The following CTNNA3 variants were observed in gnomAD, a reference collection of about 807,000 sequenced individuals.
CTNNA3 encodes catenin alpha-3.
CTNNA3 carries 76 observed loss-of-function variants against 95.7 expected under a neutral mutation model. The ratio of observed to expected loss-of-function variants is 0.79; its 90% CI spans 0.66 to 0.96. CTNNA3 has a LOEUF of 0.96. CTNNA3 is among the 40% of genes least tolerant of loss of function. The pLI is 0.00. For missense variants in CTNNA3, 1,191 were observed against 1,089.8 expected (o/e 1.09, Z -1.31); for synonymous variants, 431 against 374.4 (o/e 1.15, Z -1.74).
chr10:66,767,451 C>T (rs1375868157), intron 8 of CTNNA3, among the ~76,000 whole-genome samples: 1 of 68,664 alleles, frequency 1.5e-5, no homozygotes, highest in Non-Finnish European at 2.6e-5. Flanking sequence ...ATCCACTCCC[C>T]CCGACAAAAA....
intron 11 of CTNNA3, among the ~76,000 whole-genome samples, chr10:66,453,235 A>T (rs2093476238): frequency 1.3e-5 from 2 of 151,874 alleles, no homozygotes; most frequent in East Asian, 1.9e-4. Flanking sequence ...AAAAAAAAAA[A>T]ACTGAGCCTC....
chr10:66,130,232 T>C (rs1403060347), intron 13 of CTNNA3, among the ~76,000 whole-genome samples: 6 of 152,196 alleles, frequency 3.9e-5, no homozygotes, highest in Non-Finnish European at 8.8e-5. Context: ...GAGGGAAATT[T>C]GTAGCACTAA....
chr10:66,907,967 G>T (rs1296959155), intron 7 of CTNNA3, among the ~76,000 whole-genome samples: 1 of 152,194 alleles, frequency 6.6e-6, no homozygotes, highest in Non-Finnish European at 1.5e-5. Context: ...ATTTTGTAGA[G>T]AAGTTACATT....
intron 13 of CTNNA3, among the ~76,000 whole-genome samples, chr10:66,182,100 A>T (rs2086069472): frequency 6.6e-6 from 1 of 152,158 alleles, no homozygotes; most frequent in Non-Finnish European, 1.5e-5. Context: ...ATAATAAAAC[A>T]ATTCCCATTC....
At chr10:66,115,587 A>AGAT (rs1400390708) in intron 13 of CTNNA3, among the ~76,000 whole-genome samples, 4 of 8,560 alleles carry the variant, frequency 4.7e-4, no homozygotes, top group Admixed American at 7.8e-4. Context: ...GATGATAGAT[A>AGAT]GATAGAGATA....
intron 5 of CTNNA3, among the ~76,000 whole-genome samples, chr10:67,339,837 T>C (rs1376852920): frequency 1.3e-5 from 2 of 152,180 alleles, no homozygotes; most frequent in African/African-American, 4.8e-5. Context: ...TTTGTTTTGA[T>C]TGATTTAGAA....
At chr10:67,177,531 T>C (rs1862303321) in intron 7 of CTNNA3, among the ~76,000 whole-genome samples, 1 of 152,172 alleles carries the variant, frequency 6.6e-6, no homozygotes, top group Admixed American at 6.6e-5. Flanking sequence ...TTACAAAAGC[T>C]ACTGACTGAT....
intron 7 of CTNNA3, among the ~76,000 whole-genome samples, chr10:66,933,781 T>G (rs940640023): frequency 6.6e-6 from 1 of 152,298 alleles, no homozygotes; most frequent in East Asian, 1.9e-4. Flanking sequence ...CAAAATTACA[T>G]CATTAATTCA....
chr10:66,318,522 C>T lies in CTNNA3; in HGVS notation c.1733-37901G>A, dbSNP rs752614550. Among the ~76,000 whole-genome samples, 17 of 151,926 alleles carry T rather than the reference C, an allele frequency of 1.1e-4. 1 individual carries two copies. Among genetic ancestry groups the T allele is most frequent in the Non-Finnish European group, 1.8e-4 (12 of 67,928 alleles). Reference sequence around the variant, plus strand: ...GATTGCTCCCAGTTCTCTGTGCACGCCAAGCTTCCTCTCCAATATCCATAT... The same window carrying T: ...GATTGCTCCCAGTTCTCTGTGCACGTCAAGCTTCCTCTCCAATATCCATAT... On this transcript the variant is annotated intron_variant, in intron 12 of 17. Transcript: ENST00000433211.
chr10:66,364,560 A>T (rs565051357), intron 12 of CTNNA3, among the ~76,000 whole-genome samples: 2 of 152,114 alleles, frequency 1.3e-5, no homozygotes, highest in Non-Finnish European at 2.9e-5. Context: ...GTTATTAAAA[A>T]GATGTAGAAT....
chr10:66,075,499 A>C (rs1028870748), intron 14 of CTNNA3, among the ~76,000 whole-genome samples: 3 of 151,800 alleles, frequency 2.0e-5, no homozygotes, highest in Non-Finnish European at 3.0e-5. Context: ...GTGCATATAT[A>C]AATAATGTAT....
At chr10:66,311,029 C>T (rs767508736) in intron 12 of CTNNA3, among the ~76,000 whole-genome samples, 1 of 152,126 alleles carries the variant, frequency 6.6e-6, no homozygotes, top group Non-Finnish European at 1.5e-5. Context: ...AGACTGTTGT[C>T]CTAAATGCAA....
chr10:66,235,516 A>C (rs2089807207), intron 13 of CTNNA3, among the ~76,000 whole-genome samples: 1 of 152,028 alleles, frequency 6.6e-6, no homozygotes, highest in South Asian at 2.1e-4. Context: ...TAAAATAACC[A>C]CATATAATCA....
chr10:66,528,888 A>G (rs980376970), intron 10 of CTNNA3, among the ~76,000 whole-genome samples: 4 of 152,156 alleles, frequency 2.6e-5, no homozygotes, highest in African/African-American at 7.2e-5. Context: ...AAGAGTGTGC[A>G]GTGAAAGACA....
At chr10:66,606,775 G>T (rs963294325) in intron 10 of CTNNA3, among the ~76,000 whole-genome samples, 4 of 152,092 alleles carry the variant, frequency 2.6e-5, no homozygotes, top group African/African-American at 9.7e-5. Flanking sequence ...AGCTAAGACA[G>T]TATTAAGAGG....
intron 15 of CTNNA3, among the ~76,000 whole-genome samples, chr10:66,014,147 C>T (rs1358497341): frequency 4.0e-5 from 6 of 151,794 alleles, no homozygotes; most frequent in Non-Finnish European, 2.9e-5. Flanking sequence ...GGAATGAATG[C>T]ACAGAAGGGG....
chr10:66,645,681 G>A (rs539371796), intron 9 of CTNNA3, among the ~76,000 whole-genome samples: 15 of 152,186 alleles, frequency 9.9e-5, no homozygotes, highest in Admixed American at 1.3e-4. Context: ...TCAGATCAGC[G>A]GTGGCATTAG....
At chr10:67,051,608 A>G (rs1201081977) in intron 7 of CTNNA3, among the ~76,000 whole-genome samples, 2 of 151,216 alleles carry the variant, frequency 1.3e-5, no homozygotes, top group Non-Finnish European at 2.9e-5. Flanking sequence ...TTTTGACCTC[A>G]TGACCTGAGA....
intron 7 of CTNNA3, among the ~76,000 whole-genome samples, chr10:66,879,390 T>A (rs1009283562): frequency 2.6e-5 from 4 of 152,102 alleles, no homozygotes; most frequent in Non-Finnish European, 5.9e-5. Flanking sequence ...AATAAAAGTA[T>A]AAATCCCATC....
Sources: gnomAD v4.1 joint callset for allele counts (sites outside exome capture counted in the v4.1 genomes callset) on GRCh38, gnomAD v4.1.1 for gene constraint, MANE v1.5 for transcripts, NCBI Gene and HGNC (gene_info 2026-07-23, HGNC 2026-07-21) for gene names.